GRIA4: variants seen among roughly 807,000 people sequenced by gnomAD.
GRIA4 encodes the protein glutamate receptor 4.
Under a neutral mutation model 104.0 loss-of-function variants are expected in GRIA4, and 34 were observed. The ratio of observed to expected loss-of-function variants is 0.33; its 90% CI spans 0.25 to 0.44. The LOEUF is 0.44. Ranked by LOEUF, GRIA4 falls within the 20% of genes least tolerant of loss-of-function variation. The pLI, the probability that GRIA4 is intolerant of heterozygous loss-of-function variation, is 1.00. For synonymous variants in GRIA4, 386 were observed against 381.9 expected, an observed-to-expected ratio of 1.01 and a Z score of -0.13; for missense variants, 750 against 1,096.5, an observed-to-expected ratio of 0.68 and a Z score of 4.46.
chr11:105,932,077 T>C (rs1463488011), intron 13 of GRIA4, among the ~76,000 whole-genome samples: 1 of 151,880 alleles, frequency 6.6e-6, no homozygotes, highest in Middle Eastern at 3.2e-3. Context: ...AGATACAAAA[T>C]TGCAGCCCCT....
At chr11:105,802,659 A>G (rs1942769546) in intron 4 of GRIA4, among the ~76,000 whole-genome samples, 1 of 152,062 alleles carries the variant, frequency 6.6e-6, no homozygotes, top group Non-Finnish European at 1.5e-5. Flanking sequence ...AATTTTTACA[A>G]ATAAAAATAT....
intron 16 of GRIA4, chr11:105,974,733 T>G: frequency 1.7e-6 from 1 of 575,502 alleles, no homozygotes; most frequent in Non-Finnish European, 3.0e-6. Flanking sequence ...TGAAACTTTA[T>G]GTTGCCAATA....
In GRIA4 at chr11:105,610,889, TGGTTG is replaced by T; in HGVS notation, c.-90-18_-90-14del. ...TCTTTTCTTTTTTTTTTTTTTTTTT[TGGTTG>T]ATTTTAATTTTAGCGCCATCGTCTT... On this transcript the variant is annotated splice_polypyrimidine_tract_variant and intron_variant, in intron 1 of 16. Coordinates refer to ENST00000282499, the MANE Select transcript of GRIA4 (RefSeq NM_000829.4). 3.3e-6 allele frequency: 1 copy of T among 306,942 alleles called. No homozygotes were observed. Among genetic ancestry groups the T allele is most frequent in the Non-Finnish European group, 5.7e-6 (1 of 176,798 alleles). 19.0% of individuals were successfully genotyped at this position (306,942 alleles called of 1,614,324 possible).
At chr11:105,737,976 G>C (rs1171732793) in intron 3 of GRIA4, among the ~76,000 whole-genome samples, 1 of 152,112 alleles carries the variant, frequency 6.6e-6, no homozygotes, top group African/African-American at 2.4e-5. Flanking sequence ...CTACTACAGA[G>C]TCTCACACAC....
chr11:105,896,183 G>A (rs1394947313), intron 6 of GRIA4, among the ~76,000 whole-genome samples: 1 of 152,106 alleles, frequency 6.6e-6, no homozygotes, highest in African/African-American at 2.4e-5. Flanking sequence ...GATTAGTGAT[G>A]TTGAACATTT....
At chr11:105,699,253 C>A (rs536150134) in intron 3 of GRIA4, among the ~76,000 whole-genome samples, 1 of 152,258 alleles carries the variant, frequency 6.6e-6, no homozygotes, top group South Asian at 2.1e-4. Flanking sequence ...AGGAAGAGGA[C>A]AAACCCCTTC....
At chr11:105,665,295 C>T (rs890962075) in intron 3 of GRIA4, among the ~76,000 whole-genome samples, 1 of 151,954 alleles carries the variant, frequency 6.6e-6, no homozygotes, top group Non-Finnish European at 1.5e-5. Context: ...GGGGTACTAA[C>T]TTAAGACAAT....
At chr11:105,879,854 G>A (rs1408691026) in intron 5 of GRIA4, among the ~76,000 whole-genome samples, 1 of 152,074 alleles carries the variant, frequency 6.6e-6, no homozygotes, top group Non-Finnish European at 1.5e-5. Flanking sequence ...TCTTATGAAA[G>A]ATATATTAAC....
chr11:105,719,504 T>G (rs973182477), intron 3 of GRIA4, among the ~76,000 whole-genome samples: 5 of 152,136 alleles, frequency 3.3e-5, no homozygotes, highest in African/African-American at 1.2e-4. Flanking sequence ...AAGAGCCACT[T>G]AGAGCAGCGG....
At chr11:105,760,841 A>C (rs1348299760) in intron 4 of GRIA4, among the ~76,000 whole-genome samples, 1 of 151,504 alleles carries the variant, frequency 6.6e-6, no homozygotes. Context: ...ATGGTTTGAA[A>C]CCCTTTGGGA....
At chr11:105,629,479 G>A (rs1362397617) in intron 3 of GRIA4, among the ~76,000 whole-genome samples, 8 of 151,806 alleles carry the variant, frequency 5.3e-5, no homozygotes, top group African/African-American at 1.7e-4. Flanking sequence ...GAAAAAGATA[G>A]GTTCTCTTTT....
At chr11:105,823,687 A>G (rs763335770) in intron 4 of GRIA4, among the ~76,000 whole-genome samples, 14 of 152,076 alleles carry the variant, frequency 9.2e-5, no homozygotes, top group Non-Finnish European at 1.8e-4. Flanking sequence ...GGGACTGACA[A>G]TGGAGTTTGA....
chr11:105,649,663 G>T (rs767196636), intron 3 of GRIA4, among the ~76,000 whole-genome samples: 1 of 152,026 alleles, frequency 6.6e-6, no homozygotes, highest in Non-Finnish European at 1.5e-5. Context: ...AACTTTATGA[G>T]ATTTCCTTTG....
At chr11:105,651,582 T>C (rs1951687995) in intron 3 of GRIA4, among the ~76,000 whole-genome samples, 1 of 152,168 alleles carries the variant, frequency 6.6e-6, no homozygotes, top group South Asian at 2.1e-4. Flanking sequence ...AGTCCTTTCC[T>C]AATGAAGACC....
At chr11:105,920,532 G>A (rs938334208) in intron 11 of GRIA4, among the ~76,000 whole-genome samples, 2 of 152,030 alleles carry the variant, frequency 1.3e-5, no homozygotes, top group Non-Finnish European at 2.9e-5. Flanking sequence ...CTCTTCTCTG[G>A]AGTCCCTACC....
At chr11:105,780,271 C>G (rs1351724376) in intron 4 of GRIA4, among the ~76,000 whole-genome samples, 2 of 152,118 alleles carry the variant, frequency 1.3e-5, no homozygotes, top group African/African-American at 4.8e-5. Context: ...GAAAGAAAGG[C>G]AACAGACCTG....
At chr11:105,924,025 G>A (rs1426855198) in intron 11 of GRIA4, among the ~76,000 whole-genome samples, 5 of 152,102 alleles carry the variant, frequency 3.3e-5, no homozygotes, top group South Asian at 2.1e-4. Context: ...ACATAGCAGC[G>A]TTCCTGGCCA....
chr11:105,797,814 C>T (rs1467312975), intron 4 of GRIA4: 2 of 455,588 alleles, frequency 4.4e-6, no homozygotes, highest in Non-Finnish European at 8.8e-6. Context: ...ACAACAAGAG[C>T]ATAAACTCCA....
intron 4 of GRIA4, among the ~76,000 whole-genome samples, chr11:105,768,295 G>C (rs1941046293): frequency 6.6e-6 from 1 of 151,914 alleles, no homozygotes; most frequent in Non-Finnish European, 1.5e-5. Flanking sequence ...GAAAAACAAA[G>C]CTATCTTCTA....
Sources: allele counts gnomAD v4.1 joint callset (sites outside exome capture counted in the v4.1 genomes callset), GRCh38; gene constraint gnomAD v4.1.1; transcripts MANE v1.5; gene names NCBI Gene and HGNC (gene_info 2026-07-23, HGNC 2026-07-21).